EPDR1: variants seen among roughly 807,000 people sequenced by gnomAD.
The protein encoded by EPDR1 is ependymin related 1, also known as mammalian ependymin-related protein 1.
In EPDR1, 27 loss-of-function variants were observed where a neutral mutation model predicts 23.7. The ratio of observed to expected loss-of-function variants is 1.14; its 90% CI spans 0.84 to 1.57. EPDR1 has a LOEUF of 1.57. Ranked by LOEUF, EPDR1 falls within the 40% of genes most tolerant of loss-of-function variation. EPDR1 has a pLI of 0.00. For missense variants in EPDR1, 349 were observed against 290.4 expected, an observed-to-expected ratio of 1.20 and a Z score of -1.47; for synonymous variants, 137 against 118.2, an observed-to-expected ratio of 1.16 and a Z score of -1.03.
At chr7:37,941,934 C>A (rs1296264659) in intron 1 of EPDR1, among the ~76,000 whole-genome samples, 1 of 151,918 alleles carries the variant, frequency 6.6e-6, no homozygotes, top group Non-Finnish European at 1.5e-5. Context: ...ATTGTTGAGC[C>A]TAGGAGGCAG....
intron 1 of EPDR1, among the ~76,000 whole-genome samples, chr7:37,940,340 C>T (rs1007323915): frequency 4.6e-5 from 7 of 152,082 alleles, no homozygotes; most frequent in East Asian, 1.9e-4. Flanking sequence ...CTTGCCTCAA[C>T]GTACCATTTT....
chr7:37,936,039 T>TATATATACACAC lies in EPDR1; in HGVS notation c.270-12800_270-12799insTATATACACACA, dbSNP rs57925993. Among the ~76,000 whole-genome samples, 27 of 80,944 alleles carry TATATATACACAC rather than the reference T, an allele frequency of 3.3e-4. 2 individuals are homozygous for TATATATACACAC. Among genetic ancestry groups the TATATATACACAC allele is most frequent in the African/African-American group, 1.1e-3 (25 of 23,550 alleles). 53.1% of individuals were successfully genotyped at this position (80,944 alleles called of 152,430 possible). On this transcript the variant is annotated intron_variant, in intron 1 of 2. Transcript: ENST00000199448. ...ATATATATATATATATATATATATA[T>TATATATACACAC]ACACAAGGGAAATGTGAATCTGTTA...
intron 1 of EPDR1, among the ~76,000 whole-genome samples, chr7:37,947,917 G>T (rs2290222): frequency 1.3e-5 from 2 of 152,138 alleles, no homozygotes. Context: ...AGAGCATGGA[G>T]AGAAACTCAG....
intron 1 of EPDR1, among the ~76,000 whole-genome samples, chr7:37,946,103 A>G (rs1181036212): frequency 6.6e-6 from 1 of 152,018 alleles, no homozygotes; most frequent in Non-Finnish European, 1.5e-5. Context: ...TATGTACCCC[A>G]TTTTCTTTAT....
chr7:37,933,784 A>G (rs368797432), intron 1 of EPDR1, among the ~76,000 whole-genome samples: 14 of 152,226 alleles, frequency 9.2e-5, no homozygotes, highest in African/African-American at 3.4e-4. Context: ...GATGTTATCC[A>G]TAAAGGAGTG....
intron 1 of EPDR1, among the ~76,000 whole-genome samples, chr7:37,944,709 C>G (rs889906717): frequency 6.6e-6 from 1 of 152,194 alleles, no homozygotes; most frequent in Non-Finnish European, 1.5e-5. Context: ...TCAATTACCT[C>G]CCCCCAGGTC....
intron 1 of EPDR1, among the ~76,000 whole-genome samples, chr7:37,944,160 A>T (rs7778151): frequency 6.6e-6 from 1 of 152,220 alleles, no homozygotes; most frequent in African/African-American, 2.4e-5. Context: ...GGGTGCTCCA[A>T]GCATCTCAGA....
intron 1 of EPDR1, among the ~76,000 whole-genome samples, chr7:37,936,014 A>G (rs929746517): frequency 8.6e-6 from 1 of 115,704 alleles, no homozygotes; most frequent in Non-Finnish European, 1.8e-5. Flanking sequence ...ATATATATAT[A>G]TATATATATA....
At chr7:37,935,887 A>G (rs1270262768) in intron 1 of EPDR1, among the ~76,000 whole-genome samples, 1 of 150,282 alleles carries the variant, frequency 6.7e-6, no homozygotes, top group Non-Finnish European at 1.5e-5. Flanking sequence ...ATATAAACAC[A>G]GAAAGGTAAA....
chr7:37,947,504 T>C (rs531866237), intron 1 of EPDR1, among the ~76,000 whole-genome samples: 1 of 152,310 alleles, frequency 6.6e-6, no homozygotes, highest in African/African-American at 2.4e-5. Context: ...CCGAAGAAAA[T>C]AGTTTTTAAG....
Position 37,920,651 on chromosome 7 carries a change from A to T in EPDR1, c.-289A>T. 1 of 1,572,712 alleles carries T rather than the reference A, an allele frequency of 6.4e-7. No individual in the cohort carries two copies. Among genetic ancestry groups the T allele is most frequent in the Non-Finnish European group, 8.7e-7 (1 of 1,153,448 alleles). On this transcript the variant is annotated 5_prime_UTR_variant, in exon 1 of 3. Coordinates refer to ENST00000199448, the MANE Select transcript of EPDR1 (RefSeq NM_017549.5). Reference sequence around the variant, plus strand: ...TGGCAGCAGTGAGCAGTGAAAACCGAAGCGGCAGAAGGCAGTGGCAGCAGG... The same window carrying T: ...TGGCAGCAGTGAGCAGTGAAAACCGTAGCGGCAGAAGGCAGTGGCAGCAGG...
At chr7:37,950,036 G>A (rs1786365539) in intron 2 of EPDR1, among the ~76,000 whole-genome samples, 164 bp from the exon 3 acceptor site, 1 of 152,216 alleles carries the variant, frequency 6.6e-6, no homozygotes. Context: ...TCTGGAGATG[G>A]ATGGTGCTGA....
intron 1 of EPDR1, among the ~76,000 whole-genome samples, chr7:37,942,091 CAAAT>C (rs967998115): frequency 2.6e-5 from 4 of 151,970 alleles, no homozygotes; most frequent in Non-Finnish European, 5.9e-5. Context: ...AGTTAGAAAA[CAAAT>C]AAATGATAGG....
intron 1 of EPDR1, among the ~76,000 whole-genome samples, chr7:37,943,489 C>T (rs1279514376): frequency 6.6e-6 from 1 of 152,214 alleles, no homozygotes; most frequent in African/African-American, 2.4e-5. Context: ...TATGTCCTAA[C>T]TGTTAATATG....
intron 1 of EPDR1, among the ~76,000 whole-genome samples, chr7:37,948,427 T>G (rs1008025530): frequency 1.3e-5 from 2 of 151,950 alleles, no homozygotes; most frequent in African/African-American, 4.8e-5. Context: ...CACTGAAGCT[T>G]TGAACTCCCA....
intron 1 of EPDR1, among the ~76,000 whole-genome samples, chr7:37,934,417 A>G (rs11766369): frequency 0.15 from 22,755 of 151,514 alleles, 1,837 homozygotes; most frequent in Middle Eastern, 0.22. Flanking sequence ...TGAAGGGAGT[A>G]GCTTCCCTAG....
In EPDR1 at chr7:37,921,020, G is replaced by A; in HGVS notation, c.81G>A (p.Leu27=). 2.0e-6 allele frequency: 3 copies of A among 1,522,690 alleles called. No individual in the cohort carries two copies. The highest frequency in any genetic ancestry group is 2.6e-6 in the Non-Finnish European group (3 of 1,139,890). The allele number at this position is 1,522,690 out of a possible 1,614,324, so 94.3% of individuals were successfully genotyped here. The change falls in exon 1 of 3, where the codon CTG becomes CTA. Residue 27 remains leucine, a synonymous_variant. Coordinates refer to ENST00000199448, the MANE Select transcript of EPDR1 (RefSeq NM_017549.5). ...TGGGCGGCCTCTGGGCCTGGACCCT[G>A]TGCGGCCTGTGCAGCCTGGGGGCGG... ...WLLGGLWAWT[L]CGLCSLGAVG... is the part of the protein sequence containing the mutation.
intron 1 of EPDR1, chr7:37,921,572 C>G (rs950309149): frequency 9.3e-7 from 1 of 1,077,238 alleles, no homozygotes; most frequent in Non-Finnish European, 1.2e-6. Context: ...CAGTCTAGGG[C>G]GTGTCTTCTG....
chr7:37,923,595 G>A (rs1785757321), intron 1 of EPDR1, among the ~76,000 whole-genome samples: 1 of 152,128 alleles, frequency 6.6e-6, no homozygotes, highest in Admixed American at 6.5e-5. Flanking sequence ...GATGGACTGG[G>A]ATGGCCGAGA....
Sources: allele counts gnomAD v4.1 joint callset (sites outside exome capture counted in the v4.1 genomes callset), GRCh38; gene constraint gnomAD v4.1.1; transcripts MANE v1.5; gene names NCBI Gene and HGNC (gene_info 2026-07-23, HGNC 2026-07-21).